The following ELP4 variants were observed in gnomAD, a reference collection of about 807,000 sequenced individuals.
ELP4 encodes elongator complex protein 4.
In ELP4, 51 loss-of-function variants were observed where a neutral mutation model predicts 48.9. The observed-to-expected ratio is 1.04, with a 90% CI of 0.83 to 1.32. The LOEUF is 1.32. Ranked by LOEUF, ELP4 falls within the 40% of genes most tolerant of loss-of-function variation. ELP4 has a pLI of 0.00. For synonymous variants in ELP4, 210 were observed against 189.2 expected (o/e 1.11, Z -0.90); for missense variants, 519 against 514.6 (o/e 1.01, Z -0.08).
At chr11:31,679,443 G>A (rs1946010287) in intron 9 of ELP4, among the ~76,000 whole-genome samples, 1 of 152,106 alleles carries the variant, frequency 6.6e-6, no homozygotes, top group Admixed American at 6.5e-5. Flanking sequence ...CAAGATATCA[G>A]CAGGGTTAAT....
intron 9 of ELP4, among the ~76,000 whole-genome samples, chr11:31,693,477 A>G (rs1007562508): frequency 1.3e-5 from 2 of 152,162 alleles, no homozygotes; most frequent in African/African-American, 2.4e-5. Context: ...TGTCCCTACA[A>G]AGGACATGAA....
intron 9 of ELP4, among the ~76,000 whole-genome samples, chr11:31,752,573 G>A (rs1162916342): frequency 6.6e-6 from 1 of 152,040 alleles, no homozygotes; most frequent in Non-Finnish European, 1.5e-5. Flanking sequence ...GGTGGCTCAC[G>A]TCTGTAATCC....
At chr11:31,523,299 C>T (rs900458294) in intron 2 of ELP4, among the ~76,000 whole-genome samples, 12 of 152,096 alleles carry the variant, frequency 7.9e-5, no homozygotes, top group African/African-American at 2.4e-4. Flanking sequence ...GTTTAGGAGC[C>T]TATGGTATTA....
At chr11:31,778,831 A>AGTTGTTGTTTTTT (rs1175789470) in intron 9 of ELP4, among the ~76,000 whole-genome samples, 1 of 152,118 alleles carries the variant, frequency 6.6e-6, no homozygotes, top group Non-Finnish European at 1.5e-5. Context: ...GGTATTTATA[A>AGTTGTTGTTTTTT]GTTGTTGTTT....
chr11:31,737,999 A>G (rs1265747488), intron 9 of ELP4, among the ~76,000 whole-genome samples: 1 of 152,216 alleles, frequency 6.6e-6, no homozygotes, highest in Non-Finnish European at 1.5e-5. Context: ...CCATGTTCAT[A>G]GCAACATTAT....
At chr11:31,719,323 T>C (rs1412942037) in intron 9 of ELP4, 2 of 391,260 alleles carry the variant, frequency 5.1e-6, no homozygotes, top group African/African-American at 4.1e-5. Context: ...CTGTGGTAGT[T>C]TGAAGTATGT....
intron 3 of ELP4, among the ~76,000 whole-genome samples, chr11:31,542,049 C>T (rs559662832): frequency 1.1e-4 from 16 of 152,298 alleles, no homozygotes; most frequent in Middle Eastern, 3.4e-3. Context: ...CAGATTTCTC[C>T]TCATGCCTGA....
chr11:31,779,994 A>C (rs574585047), intron 9 of ELP4: 79 of 152,330 alleles, frequency 5.2e-4, no homozygotes, highest in African/African-American at 1.7e-3. Flanking sequence ...CCCAGGTATA[A>C]AATGAGAAAT....
chr11:31,601,330 T>C (rs1366651725), intron 4 of ELP4, among the ~76,000 whole-genome samples: 2 of 152,132 alleles, frequency 1.3e-5, no homozygotes, highest in African/African-American at 4.8e-5. Context: ...ATTTTTATTT[T>C]CATTGTTAAT....
intron 4 of ELP4, among the ~76,000 whole-genome samples, chr11:31,601,546 C>T (rs1191654185): frequency 1.3e-5 from 2 of 152,060 alleles, no homozygotes; most frequent in Non-Finnish European, 2.9e-5. Context: ...TGCCTTGATT[C>T]ATTCCAAATC....
At chr11:31,591,231 C>A (rs1380465241) in intron 3 of ELP4, among the ~76,000 whole-genome samples, 1 of 151,526 alleles carries the variant, frequency 6.6e-6, no homozygotes, top group African/African-American at 2.4e-5. Flanking sequence ...ATGGTGAAAC[C>A]CTGTCTCCAC....
chr11:31,699,532 C>T (rs1217505042), intron 9 of ELP4, among the ~76,000 whole-genome samples: 1 of 152,074 alleles, frequency 6.6e-6, no homozygotes, highest in Non-Finnish European at 1.5e-5. Flanking sequence ...AATAGAAAAT[C>T]ACCATTTGAC....
At chr11:31,541,560 C>T (rs1251276077) in intron 3 of ELP4, 1 of 152,162 alleles carries the variant, frequency 6.6e-6, no homozygotes, top group Non-Finnish European at 1.5e-5. Flanking sequence ...ATATAGCCAT[C>T]ATAGGAAAAT....
At chr11:31,688,981 T>A (rs1336272403) in intron 9 of ELP4, among the ~76,000 whole-genome samples, 1 of 152,198 alleles carries the variant, frequency 6.6e-6, no homozygotes, top group Non-Finnish European at 1.5e-5. Context: ...GTTAACTTTG[T>A]CATTGAGTGG....
chr11:31,732,480 A>G, intron 9 of ELP4, among the ~76,000 whole-genome samples: 1 of 151,838 alleles, frequency 6.6e-6, no homozygotes, highest in South Asian at 2.1e-4. Context: ...AAAAAAAAAA[A>G]AAATAAATGA....
intron 9 of ELP4, among the ~76,000 whole-genome samples, chr11:31,667,812 C>T (rs1945712783): frequency 6.6e-6 from 1 of 152,210 alleles, no homozygotes; most frequent in East Asian, 1.9e-4. Flanking sequence ...AAATGTCTAA[C>T]TTATACACTG....
intron 3 of ELP4, among the ~76,000 whole-genome samples, chr11:31,543,946 C>T (rs904823956): frequency 4.6e-5 from 7 of 152,190 alleles, no homozygotes; most frequent in African/African-American, 1.7e-4. Flanking sequence ...ACCAGACTTG[C>T]ATTGTAAGAA....
At position 31,662,851 on chromosome 11, in the gene ELP4, A is replaced by G. The variant is rs563975158; in HGVS notation, c.1143+12630A>G. The G allele has an allele frequency of 1.7e-4, 52 of 302,348 alleles. 1 individual carries two copies. The Admixed American group carries it at 2.2e-3, about 13-fold the overall frequency. The allele number at this position is 302,348 out of a possible 1,614,324, so 18.7% of individuals were successfully genotyped here. ...AAATACCTAGATTTCATAAAAGGTTAAAATTGGAAGGGAGCTTAAAGTGCT... is the reference window on the plus strand; with the variant it reads ...AAATACCTAGATTTCATAAAAGGTTGAAATTGGAAGGGAGCTTAAAGTGCT... On this transcript the variant is annotated intron_variant, in intron 9 of 9. Transcript: ENST00000640961.
intron 9 of ELP4, among the ~76,000 whole-genome samples, chr11:31,688,869 G>C (rs755322926): frequency 7.9e-5 from 12 of 152,070 alleles, no homozygotes; most frequent in Non-Finnish European, 1.5e-4. Context: ...AGGATTTGAG[G>C]GGGGAAAATC....
Sources: gnomAD v4.1 joint callset for allele counts (sites outside exome capture counted in the v4.1 genomes callset) on GRCh38, gnomAD v4.1.1 for gene constraint, MANE v1.5 for transcripts, NCBI Gene and HGNC (gene_info 2026-07-23, HGNC 2026-07-21) for gene names.